The following STIM1 variants were observed in gnomAD, a reference collection of about 807,000 sequenced individuals.
The protein encoded by STIM1 is stromal interaction molecule 1.
STIM1 carries 25 observed loss-of-function variants against 74.7 expected under a neutral mutation model. The ratio of observed to expected loss-of-function variants is 0.33; its 90% CI spans 0.24 to 0.47. The LOEUF (loss-of-function observed/expected upper bound fraction) is 0.47, where lower values mean the gene tolerates loss of function less well. STIM1 is among the 20% of genes least tolerant of loss of function. The probability of loss-of-function intolerance (pLI) is 1.00; values close to 1 mark genes in which losing one functional copy is unlikely to be tolerated. For missense variants in STIM1, 728 were observed against 920.8 expected (o/e 0.79, Z 2.71); for synonymous variants, 328 against 348.8 (o/e 0.94, Z 0.66).
chr11:3,991,388 C>T (rs1318522297), intron 2 of STIM1, among the ~76,000 whole-genome samples: 2 of 151,448 alleles, frequency 1.3e-5, no homozygotes, highest in Non-Finnish European at 2.9e-5. Flanking sequence ...CTGGGCTGGT[C>T]TTGAACTCCT....
intron 1 of STIM1, among the ~76,000 whole-genome samples, chr11:3,864,600 TC>T (rs922427966): frequency 1.3e-5 from 2 of 152,192 alleles, no homozygotes; most frequent in African/African-American, 2.4e-5. Flanking sequence ...GATACCTCCA[TC>T]TTTTTATCAT....
At chr11:3,869,641 A>G (rs1201615670) in intron 1 of STIM1, among the ~76,000 whole-genome samples, 1 of 152,224 alleles carries the variant, frequency 6.6e-6, no homozygotes, top group African/African-American at 2.4e-5. Context: ...AGAGAGTACC[A>G]TAAAAAGATC....
intron 1 of STIM1, among the ~76,000 whole-genome samples, chr11:3,928,227 A>ATTT (rs373423422): frequency 7.1e-6 from 1 of 140,612 alleles, no homozygotes; most frequent in Non-Finnish European, 1.6e-5. Context: ...GTAACAGTCC[A>ATTT]TTTTTTTTTT....
At chr11:4,022,650 C>T (rs558762854) in intron 2 of STIM1, among the ~76,000 whole-genome samples, 1 of 152,018 alleles carries the variant, frequency 6.6e-6, no homozygotes, top group Non-Finnish European at 1.5e-5. Context: ...CCTTCTATAC[C>T]TAATTTGATT....
intron 1 of STIM1, among the ~76,000 whole-genome samples, chr11:3,928,589 G>T (rs913935835): frequency 6.6e-6 from 1 of 151,942 alleles, no homozygotes; most frequent in African/African-American, 2.4e-5. Flanking sequence ...AGTTTAGCCC[G>T]GGGATGTGTG....
chr11:3,892,950 A>G (rs2091943568), intron 1 of STIM1: 3 of 1,014,102 alleles, frequency 3.0e-6, no homozygotes, highest in Non-Finnish European at 4.5e-6. Context: ...TTTTATTTTT[A>G]ATAGAGATGG....
At chr11:3,989,411 T>C (rs1252435803) in intron 2 of STIM1, 1 of 740,842 alleles carries the variant, frequency 1.3e-6, no homozygotes, top group Non-Finnish European at 2.5e-6. Flanking sequence ...GATCTCCTCT[T>C]GGGCTCTTCC....
chr11:3,955,224 A>C (rs1278864035), intron 1 of STIM1, among the ~76,000 whole-genome samples: 1 of 152,204 alleles, frequency 6.6e-6, no homozygotes, highest in Admixed American at 6.5e-5. Context: ...GGGAGGGAGA[A>C]TGAGGGTTGG....
At chr11:3,961,619 C>G (rs534887203) in intron 1 of STIM1, 3 of 152,156 alleles carry the variant, frequency 2.0e-5, no homozygotes, top group Admixed American at 2.0e-4. Flanking sequence ...AGCGATTATC[C>G]TGCCTCAGTC....
intron 1 of STIM1, among the ~76,000 whole-genome samples, chr11:3,922,918 T>G (rs2092736323): frequency 6.6e-6 from 1 of 151,766 alleles, no homozygotes; most frequent in Non-Finnish European, 1.5e-5. Context: ...GTTAACATGG[T>G]GAAACCCCAT....
At chr11:3,940,803 T>G (rs961750790) in intron 1 of STIM1, among the ~76,000 whole-genome samples, 1 of 152,052 alleles carries the variant, frequency 6.6e-6, no homozygotes, top group African/African-American at 2.4e-5. Flanking sequence ...GAAGAAGCAG[T>G]GGAGTAAAAT....
At chr11:3,903,810 C>G (rs762665161) in intron 1 of STIM1, among the ~76,000 whole-genome samples, 1 of 152,164 alleles carries the variant, frequency 6.6e-6, no homozygotes, top group Non-Finnish European at 1.5e-5. Context: ...AAGACATAGT[C>G]TGTGTCCATG....
intron 5 of STIM1, among the ~76,000 whole-genome samples, chr11:4,061,169 C>T (rs183072230): frequency 1.3e-5 from 2 of 152,228 alleles, no homozygotes; most frequent in Admixed American, 1.3e-4. Context: ...GTAGAAACTG[C>T]AGGTTAAAGC....
intron 2 of STIM1, among the ~76,000 whole-genome samples, chr11:3,991,974 A>AAAAAAAAAAAAAAAAAAAAAAG (rs2093617447): frequency 4.0e-4 from 18 of 44,482 alleles, no homozygotes; most frequent in South Asian, 1.1e-3. Context: ...AAAAAAAAAG[A>AAAAAAAAAAAAAAAAAAAAAAG]AAAAAAAAAA....
intron 1 of STIM1, among the ~76,000 whole-genome samples, chr11:3,914,614 G>A (rs1287491915): frequency 4.6e-5 from 7 of 152,052 alleles, no homozygotes; most frequent in Non-Finnish European, 7.4e-5. Context: ...GCTGATTTTT[G>A]TATTTTTAGT....
intron 5 of STIM1, among the ~76,000 whole-genome samples, chr11:4,065,085 A>G (rs907604448): frequency 6.6e-6 from 1 of 152,122 alleles, no homozygotes; most frequent in Non-Finnish European, 1.5e-5. Flanking sequence ...TTTAATTTTT[A>G]ATGTGTGCCT....
chr11:3,865,359 G>A (rs1464720521), intron 1 of STIM1, among the ~76,000 whole-genome samples: 1 of 152,166 alleles, frequency 6.6e-6, no homozygotes, highest in Admixed American at 6.6e-5. Flanking sequence ...TGTGGAGCCT[G>A]TCTACCCTAA....
rs1554963559 is a variant in STIM1 at position 3,992,081 on chromosome 11, G to GTTTTTTTTTT, written c.270+24406_270+24407insTTTTTTTTTT. On this transcript the variant is annotated intron_variant, in intron 2 of 12. Transcript: ENST00000526596. ...TTTCTCTGCAGCCTTGCCAACATCTGTTTTTTTGTTTTTTTTTTTTTTTTT... is the reference window on the plus strand; with the variant it reads ...TTTCTCTGCAGCCTTGCCAACATCTGTTTTTTTTTTTTTTTTTGTTTTTTTTTTTTTTTTT... Among the ~76,000 whole-genome samples the GTTTTTTTTTT allele has an allele frequency of 1.2e-3, 112 of 91,966 alleles. 4 individuals are homozygous for GTTTTTTTTTT. Among genetic ancestry groups the GTTTTTTTTTT allele is most frequent in the African/African-American group, 4.8e-3 (102 of 21,318 alleles). 60.3% of individuals were successfully genotyped at this position (91,966 alleles called of 152,430 possible).
chr11:4,091,809 G>T lies in STIM1; in HGVS notation c.*11G>T. Reference sequence around the variant, plus strand: ...CCTCTTAAGAAGTAGGCAGGATGGGGTGGCAGTAAAGGGACAGCTTGTCCT... The same window carrying T: ...CCTCTTAAGAAGTAGGCAGGATGGGTTGGCAGTAAAGGGACAGCTTGTCCT... On this transcript the variant is annotated 3_prime_UTR_variant, in exon 13 of 13. Transcript: ENST00000526596. 2 of 1,601,218 alleles carry T rather than the reference G, an allele frequency of 1.2e-6. No homozygotes were observed. The highest frequency in any genetic ancestry group is 1.7e-6 in the Non-Finnish European group (2 of 1,179,960).
Sources: gnomAD v4.1 joint callset for allele counts (sites outside exome capture counted in the v4.1 genomes callset) on GRCh38, gnomAD v4.1.1 for gene constraint, MANE v1.5 for transcripts, NCBI Gene and HGNC (gene_info 2026-07-23, HGNC 2026-07-21) for gene names.